The following ENOX1 variants were observed in gnomAD, a reference collection of about 807,000 sequenced individuals.
ENOX1 encodes the protein candidate growth-related and time keeping constitutive hydroquinone (NADH) oxidase.
ENOX1 carries 42 observed loss-of-function variants against 82.5 expected under a neutral mutation model. The observed-to-expected ratio is 0.51, with a 90% CI of 0.40 to 0.66. ENOX1 has a LOEUF of 0.66. ENOX1 is among the 30% of genes least tolerant of loss of function. The pLI is 0.00. For synonymous variants in ENOX1, 271 were observed against 282.2 expected, an observed-to-expected ratio of 0.96 and a Z score of 0.40; for missense variants, 608 against 811.6, an observed-to-expected ratio of 0.75 and a Z score of 3.05.
intron 9 of ENOX1, among the ~76,000 whole-genome samples, chr13:43,326,826 T>C (rs574210669): frequency 2.0e-5 from 3 of 152,328 alleles, no homozygotes; most frequent in South Asian, 2.1e-4. Flanking sequence ...TCTATCTATA[T>C]ACCTAGATCT....
At chr13:43,329,558 G>T (rs1349995212) in intron 9 of ENOX1, among the ~76,000 whole-genome samples, 3 of 152,218 alleles carry the variant, frequency 2.0e-5, no homozygotes, top group Middle Eastern at 3.4e-3. Flanking sequence ...TGGATTAGGG[G>T]TTCAGAAAGA....
intron 1 of ENOX1, among the ~76,000 whole-genome samples, chr13:43,734,199 G>GGTTGTTGTTGTTGTT (rs143259339): frequency 1.3e-5 from 2 of 150,998 alleles, no homozygotes; most frequent in African/African-American, 4.9e-5. Flanking sequence ...TTTTGTTGTT[G>GGTTGTTGTTGTTGTT]GTTGTTGTTG....
At chr13:43,469,622 A>G (rs1278925802) in intron 3 of ENOX1, among the ~76,000 whole-genome samples, 2 of 152,020 alleles carry the variant, frequency 1.3e-5, no homozygotes. Flanking sequence ...AAGAAGATCT[A>G]TATAAATGCA....
chr13:43,458,180 T>C (rs2057313245), intron 3 of ENOX1, among the ~76,000 whole-genome samples: 1 of 152,184 alleles, frequency 6.6e-6, no homozygotes, highest in Non-Finnish European at 1.5e-5. Flanking sequence ...ATCTTTGAGC[T>C]TAACAAAAAG....
chr13:43,318,857 TA>T (rs2047657464), intron 11 of ENOX1, among the ~76,000 whole-genome samples: 1 of 152,232 alleles, frequency 6.6e-6, no homozygotes. Context: ...CTCACAATAC[TA>T]AAACGTATCG....
At chr13:43,728,489 T>C (rs1406905941) in intron 1 of ENOX1, among the ~76,000 whole-genome samples, 2 of 152,210 alleles carry the variant, frequency 1.3e-5, no homozygotes, top group African/African-American at 4.8e-5. Flanking sequence ...CTCTGGCATT[T>C]AATACCCTAT....
At chr13:43,742,586 T>C (rs574745443) in intron 1 of ENOX1, among the ~76,000 whole-genome samples, 1 of 152,290 alleles carries the variant, frequency 6.6e-6, no homozygotes, top group East Asian at 1.9e-4. Flanking sequence ...TTAATCTCTT[T>C]CAGAAACACT....
At chr13:43,328,903 G>A (rs969631217) in intron 9 of ENOX1, among the ~76,000 whole-genome samples, 1 of 152,160 alleles carries the variant, frequency 6.6e-6, no homozygotes, top group Non-Finnish European at 1.5e-5. Flanking sequence ...TATGATCAAG[G>A]CCCAGTCTTG....
chr13:43,658,236 C>G (rs2084540451), intron 2 of ENOX1, among the ~76,000 whole-genome samples: 1 of 152,152 alleles, frequency 6.6e-6, no homozygotes, highest in Non-Finnish European at 1.5e-5. Context: ...ATGAATGTCT[C>G]CAGCTTCCTA....
intron 3 of ENOX1, among the ~76,000 whole-genome samples, chr13:43,433,009 T>TA (rs1555272261): frequency 6.6e-6 from 1 of 152,066 alleles, no homozygotes; most frequent in African/African-American, 2.4e-5. Context: ...GATGTTGATA[T>TA]GGGGGAGACC....
At chr13:43,269,630 A>T (rs1593625961) in intron 12 of ENOX1, 53 bp from the exon 13 acceptor site, 1 of 1,395,002 alleles carries the variant, frequency 7.2e-7, no homozygotes, top group East Asian at 2.3e-5. Context: ...CAGGTGATTT[A>T]AAAATATCCA....
intron 1 of ENOX1, among the ~76,000 whole-genome samples, chr13:43,741,299 G>A (rs2089900631): frequency 1.3e-5 from 2 of 152,044 alleles, no homozygotes; most frequent in African/African-American, 4.8e-5. Flanking sequence ...TGGCCAGGCT[G>A]GTCTAGAACT....
At chr13:43,725,795 G>A (rs1350297673) in intron 1 of ENOX1, among the ~76,000 whole-genome samples, 3 of 145,508 alleles carry the variant, frequency 2.1e-5, no homozygotes, top group Non-Finnish European at 4.5e-5. Context: ...GCAAAACCTC[G>A]TCTCTACAAA....
intron 3 of ENOX1, among the ~76,000 whole-genome samples, chr13:43,470,067 T>C (rs910757556): frequency 2.6e-5 from 4 of 151,222 alleles, no homozygotes; most frequent in African/African-American, 9.7e-5. Context: ...TAAATATCCA[T>C]ACAGAAAATA....
chr13:43,619,294 A>C (rs931735891), intron 2 of ENOX1, among the ~76,000 whole-genome samples: 6 of 152,128 alleles, frequency 3.9e-5, no homozygotes, highest in Admixed American at 3.9e-4. Flanking sequence ...TGGTGGTGAG[A>C]GTGGGCATCC....
chr13:43,510,922 C>T (rs1057353101), intron 2 of ENOX1, among the ~76,000 whole-genome samples: 5 of 152,102 alleles, frequency 3.3e-5, no homozygotes, highest in Admixed American at 1.3e-4. Context: ...GCTACCACTC[C>T]TATTACTATA....
At chr13:43,362,274 G>A (rs2050574231) in intron 5 of ENOX1, among the ~76,000 whole-genome samples, 1 of 151,366 alleles carries the variant, frequency 6.6e-6, no homozygotes, top group Non-Finnish European at 1.5e-5. Context: ...GATTTCAAAG[G>A]TGGCATACAG....
chr13:43,616,912 G>A (rs1312289256), intron 2 of ENOX1, among the ~76,000 whole-genome samples: 2 of 114,648 alleles, frequency 1.7e-5, no homozygotes, highest in Non-Finnish European at 3.6e-5. Context: ...GAATGCAAAA[G>A]GTAAAACAAG....
intron 3 of ENOX1, among the ~76,000 whole-genome samples, chr13:43,452,070 A>C (rs2056996937): frequency 6.6e-6 from 1 of 152,134 alleles, no homozygotes; most frequent in South Asian, 2.1e-4. Flanking sequence ...TTTTCCTTTA[A>C]CAGTACGTAT....
Sources: gnomAD v4.1 joint callset for allele counts (sites outside exome capture counted in the v4.1 genomes callset) on GRCh38, gnomAD v4.1.1 for gene constraint, MANE v1.5 for transcripts, NCBI Gene and HGNC (gene_info 2026-07-23, HGNC 2026-07-21) for gene names.